The following NPIPB2 variants were observed in gnomAD, a reference collection of about 807,000 sequenced individuals.
The protein encoded by NPIPB2 is nuclear pore complex-interacting protein family member B2.
NPIPB2 carries 27 observed loss-of-function variants against 30.8 expected under a neutral mutation model. The ratio of observed to expected loss-of-function variants is 0.88; its 90% confidence interval spans 0.65 to 1.21. The LOEUF (loss-of-function observed/expected upper bound fraction) is 1.21. NPIPB2 is among the 50% of genes most tolerant of loss of function. The pLI is 0.00. For synonymous variants in NPIPB2, 147 were observed against 162.0 expected (o/e 0.91, Z 0.70); for missense variants, 440 against 446.2 (o/e 0.99, Z 0.13).
intron 1 of NPIPB2, among the ~76,000 whole-genome samples, chr16:11,947,173 C>G (rs1427219579): frequency 2.7e-5 from 4 of 147,122 alleles, no homozygotes; most frequent in East Asian, 1.9e-4. Flanking sequence ...AGGCAGGTCT[C>G]AAACTCCTGG....
chr16:11,967,596 A>G (rs945170270), intron 1 of NPIPB2: 1 of 1,613,810 alleles, frequency 6.2e-7, no homozygotes, highest in Admixed American at 1.7e-5. Context: ...CATGGCTAAC[A>G]TTGACCTGGA....
intron 1 of NPIPB2, among the ~76,000 whole-genome samples, chr16:11,952,412 T>G (rs1161274703): frequency 6.6e-6 from 1 of 152,006 alleles, no homozygotes. Flanking sequence ...TCTTAGCAGG[T>G]ATGCCGTTTT....
In NPIPB2 at chr16:11,953,338, T is replaced by A. The variant is rs140202343; in HGVS notation, c.-583-11224A>T. 5.8e-3 allele frequency among the ~76,000 whole-genome samples: 886 copies of A among 151,696 alleles called. 13 individuals carry two copies. Among genetic ancestry groups the A allele is most frequent in the African/African-American group, 0.02 (843 of 41,342 alleles). ...TTTTTGGGTTTTTTGTTTGTTTGTTTTTGGTTTTGTTTTTGTTTTCTTGAG... is the reference window on the plus strand; with the variant it reads ...TTTTTGGGTTTTTTGTTTGTTTGTTATTGGTTTTGTTTTTGTTTTCTTGAG... On this transcript the variant is annotated intron_variant, in intron 1 of 5. Coordinates refer to the NPIPB2 transcript ENST00000538896.
chr16:11,934,115 G>A (rs746986088), intron 2 of NPIPB2, among the ~76,000 whole-genome samples, 191 bp from the exon 3 acceptor site: 2 of 151,382 alleles, frequency 1.3e-5, no homozygotes, highest in African/African-American at 2.4e-5. Context: ...CCTGTAATCC[G>A]AGCTACTCGG....
chr16:11,935,736 G>C (rs2054856957), intron 2 of NPIPB2, among the ~76,000 whole-genome samples: 1 of 145,162 alleles, frequency 6.9e-6, no homozygotes. Context: ...AAGATGAAAA[G>C]AGCAACCACG....
intron 1 of NPIPB2, among the ~76,000 whole-genome samples, chr16:11,959,872 T>C (rs2055141266): frequency 1.3e-5 from 2 of 152,120 alleles, no homozygotes; most frequent in Non-Finnish European, 2.9e-5. Context: ...ACCTCCTAGG[T>C]TCAGGTGATC....
chr16:11,934,099 C>T (rs1356007991), intron 2 of NPIPB2, among the ~76,000 whole-genome samples, 175 bp from the exon 3 acceptor site: 49 of 151,540 alleles, frequency 3.2e-4, no homozygotes, highest in Non-Finnish European at 4.4e-4. Flanking sequence ...GGCATGGCAG[C>T]GGGCGCCTGT....
chr16:11,970,682 C>T (rs1415716724), intron 1 of NPIPB2, among the ~76,000 whole-genome samples: 9 of 151,684 alleles, frequency 5.9e-5, no homozygotes, highest in Non-Finnish European at 1.2e-4. Context: ...ATTACAGGCA[C>T]CTGCCACCAC....
In NPIPB2 at chr16:11,941,821, C is replaced by G. The variant is rs1035231617; in HGVS notation, c.63+162G>C. On this transcript the variant is annotated intron_variant, in intron 1 of 7. Coordinates refer to ENST00000399147, the Ensembl canonical transcript of NPIPB2. ...CTCTCCTCCCAAGGACAGGTCCTCT[C>G]TGGAACCTTCACAAACCTGATTTCT... 5 of 1,251,320 alleles carry G rather than the reference C, an allele frequency of 4.0e-6. No homozygotes were observed. The Admixed American group carries it at 5.9e-5, about 15-fold the overall frequency. The allele number at this position is 1,251,320 out of a possible 1,614,324, so 77.5% of individuals were successfully genotyped here.
intron 1 of NPIPB2, among the ~76,000 whole-genome samples, chr16:11,955,992 T>A (rs1260120150): frequency 1.3e-5 from 2 of 152,024 alleles, no homozygotes; most frequent in African/African-American, 4.8e-5. Context: ...CCCAAATGTT[T>A]TGCCTCAGCC....
At chr16:11,975,244 T>G (rs1345294290) in intron 1 of NPIPB2, among the ~76,000 whole-genome samples, 2 of 101,780 alleles carry the variant, frequency 2.0e-5, no homozygotes, top group African/African-American at 3.7e-5. Context: ...GCCTCCCGGG[T>G]TCACGCCATT....
chr16:11,934,547 C>T (rs1205520073), intron 2 of NPIPB2, among the ~76,000 whole-genome samples: 3 of 103,662 alleles, frequency 2.9e-5, no homozygotes, highest in African/African-American at 4.0e-5. Flanking sequence ...AATTGAAACT[C>T]TGTCTCAAAA....
At chr16:11,959,456 G>A (rs2055138276) in intron 1 of NPIPB2, among the ~76,000 whole-genome samples, 2 of 151,942 alleles carry the variant, frequency 1.3e-5, no homozygotes, top group Non-Finnish European at 2.9e-5. Context: ...TATGCATGGT[G>A]GCGTACTATC....
intron 1 of NPIPB2, among the ~76,000 whole-genome samples, chr16:11,948,112 C>G (rs1291810236): frequency 6.6e-6 from 1 of 151,342 alleles, no homozygotes; most frequent in Non-Finnish European, 1.5e-5. Context: ...TGGGAAGAGT[C>G]ACTGCCTAAA....
downstream of NPIPB2, chr16:11,927,354 T>TC: frequency 3.6e-6 from 3 of 844,598 alleles, no homozygotes; most frequent in Non-Finnish European, 3.9e-6. Context: ...TTTGTTCTAC[T>TC]CAGTTTTATT....
At chr16:11,972,517 G>T (rs950266047) in intron 1 of NPIPB2, among the ~76,000 whole-genome samples, 4 of 152,146 alleles carry the variant, frequency 2.6e-5, no homozygotes, top group Non-Finnish European at 4.4e-5. Context: ...GGAGGTTGCA[G>T]TGAGCTGAGA....
intron 1 of NPIPB2, among the ~76,000 whole-genome samples, chr16:11,948,866 G>A (rs1366403938): frequency 1.3e-5 from 2 of 151,926 alleles, no homozygotes; most frequent in Admixed American, 6.6e-5. Context: ...TGTTGGGTGT[G>A]GTGGCTCATG....
chr16:11,963,061 C>T (rs181657523), intron 1 of NPIPB2, among the ~76,000 whole-genome samples: 1 of 150,486 alleles, frequency 6.6e-6, no homozygotes, highest in Non-Finnish European at 1.5e-5. Flanking sequence ...CATCTCAAAA[C>T]AAACAAACAA....
rs116790330 is a variant in NPIPB2 at position 11,970,503 on chromosome 16, G to A, written c.-584+6065C>T. 9.2e-3 allele frequency among the ~76,000 whole-genome samples: 1,399 copies of A among 151,894 alleles called. 18 individuals are homozygous for A. The highest frequency in any genetic ancestry group is 0.032 in the African/African-American group (1,342 of 41,498). ...GCTAGAATTATAGGTGTGGGCCACT[G>A]CACCTGGCCTTCCAGTGTTTAAAAT... On this transcript the variant is annotated intron_variant, in intron 1 of 5. Transcript: ENST00000538896.
Sources: gnomAD v4.1 joint callset for allele counts (sites outside exome capture counted in the v4.1 genomes callset) on GRCh38, gnomAD v4.1.1 for gene constraint, MANE v1.5 for transcripts, NCBI Gene and HGNC (gene_info 2026-07-23, HGNC 2026-07-21) for gene names.